TTLL5: variants seen among roughly 807,000 people sequenced by gnomAD.
The protein encoded by TTLL5 is tubulin tyrosine ligase like 5.
TTLL5 carries 132 observed loss-of-function variants against 168.4 expected under a neutral mutation model. The ratio of observed to expected loss-of-function variants is 0.78; its 90% CI spans 0.68 to 0.91. The LOEUF (loss-of-function observed/expected upper bound fraction) is 0.91. Among genes scored for constraint, TTLL5 ranks in the 40% least tolerant of loss-of-function variants. The probability of loss-of-function intolerance (pLI) is 0.00; values close to 1 mark genes in which losing one functional copy is unlikely to be tolerated. For synonymous variants in TTLL5, 546 were observed against 558.6 expected (o/e 0.98, Z 0.32); for missense variants, 1,545 against 1,581.5 (o/e 0.98, Z 0.39).
Position 75,954,526 on chromosome 14 carries a change from G to C in TTLL5, c.*80G>C. 6.5e-7 allele frequency: 1 copy of C among 1,540,256 alleles called. No homozygotes were observed. The highest frequency in any genetic ancestry group is 2.2e-5 in the East Asian group (1 of 44,468). On this transcript the variant is annotated 3_prime_UTR_variant, in exon 32 of 32. Coordinates refer to ENST00000298832, the MANE Select transcript of TTLL5 (RefSeq NM_015072.5). ...GGTGAAGCATCCACCAGCACTTCAA[G>C]GGGTCCATAGTATTTTTTTTTTTGC... is the stretch of plus-strand genomic sequence containing the variant.
rs887894574 is a variant in TTLL5 at position 75,836,680 on chromosome 14, C to T, written c.3326+16519C>T. Among the ~76,000 whole-genome samples the T allele has an allele frequency of 2.0e-5, 3 of 152,076 alleles. No homozygotes were observed. In the South Asian group the frequency reaches 6.3e-4, roughly 32 times the overall value. ...CTCATATAACCCATAAGTATATACA[C>T]CTGCTATGTATGCAAAAAAATGAAA... On this transcript the variant is annotated intron_variant, in intron 28 of 31. Transcript: ENST00000298832.
At chr14:75,805,303 A>G (rs1434499559) in intron 27 of TTLL5, among the ~76,000 whole-genome samples, 1 of 152,176 alleles carries the variant, frequency 6.6e-6, no homozygotes, top group Non-Finnish European at 1.5e-5. Flanking sequence ...TGAAAACTAG[A>G]TTCCATTTTC....
rs2029926671 is a variant in TTLL5 at position 75,860,935 on chromosome 14, T to C, written c.3327-2732T>C. ...CAGCACCCTGCTTTGTGAATAATGT[T>C]AACATTTCACTAATGTATTGAAGTA... is the stretch of plus-strand genomic sequence containing the variant. On this transcript the variant is annotated intron_variant, in intron 28 of 31. Coordinates refer to ENST00000298832, the MANE Select transcript of TTLL5 (RefSeq NM_015072.5). Among the ~76,000 whole-genome samples the C allele has an allele frequency of 2.6e-5, 4 of 152,368 alleles. No homozygotes were observed. The South Asian group carries it at 8.3e-4, about 32-fold the overall frequency.
chr14:75,741,334 C>T (rs1889252440), intron 15 of TTLL5, among the ~76,000 whole-genome samples: 1 of 152,126 alleles, frequency 6.6e-6, no homozygotes. Flanking sequence ...CAATGGTTCT[C>T]CTCTCTAAGT....
intron 15 of TTLL5, among the ~76,000 whole-genome samples, chr14:75,736,689 A>T (rs982499953): frequency 2.0e-5 from 3 of 152,178 alleles, no homozygotes; most frequent in African/African-American, 7.2e-5. Context: ...TTTGCAGGCC[A>T]AGCATAACAT....
Position 75,720,621 on chromosome 14 carries a change from G to A in TTLL5, c.960G>A (p.Leu320=), listed in dbSNP as rs775691366. Residue 320 remains leucine, a synonymous_variant, in exon 12 of 32, where the codon CTG becomes CTA. Coordinates refer to ENST00000298832, the MANE Select transcript of TTLL5 (RefSeq NM_015072.5). ...TTALMAHVED[L]IIKTIISAEL... is the part of the protein sequence containing the mutation. ...CATTGATGGCCCATGTAGAAGACCT[G>A]ATCATTAAGACTATAATCTCTGCTG... The A allele has an allele frequency of 4.3e-6, 7 of 1,613,496 alleles. 1 individual carries two copies. The South Asian group carries it at 4.4e-5, about 10-fold the overall frequency.
intron 29 of TTLL5, among the ~76,000 whole-genome samples, chr14:75,865,476 C>T (rs944865679): frequency 2.0e-5 from 3 of 151,948 alleles, no homozygotes; most frequent in Non-Finnish European, 2.9e-5. Flanking sequence ...CCCCGCAACA[C>T]GCCATTTACC....
intron 3 of TTLL5, among the ~76,000 whole-genome samples, chr14:75,672,436 G>A (rs1397635428): frequency 6.6e-6 from 1 of 151,576 alleles, no homozygotes; most frequent in African/African-American, 2.4e-5. Context: ...AGTAAAGATG[G>A]GGTTTCACCA....
intron 29 of TTLL5, among the ~76,000 whole-genome samples, chr14:75,866,095 T>C (rs2030494397): frequency 6.6e-6 from 1 of 152,194 alleles, no homozygotes; most frequent in Admixed American, 6.5e-5. Flanking sequence ...ACTAATAAGA[T>C]AACAAATAAG....
At chr14:75,782,729 T>C (rs1027175284) in intron 25 of TTLL5, among the ~76,000 whole-genome samples, 156 bp downstream of exon 25, 11 of 152,246 alleles carry the variant, frequency 7.2e-5, no homozygotes, top group African/African-American at 2.7e-4. Context: ...CTCTTATCTA[T>C]TGATAAGCTA....
At chr14:75,809,112 T>A (rs1031337945) in intron 27 of TTLL5, among the ~76,000 whole-genome samples, 1 of 152,154 alleles carries the variant, frequency 6.6e-6, no homozygotes, top group African/African-American at 2.4e-5. Flanking sequence ...ATTCTTAACC[T>A]TTTTGGATTC....
chr14:75,826,635 A>T (rs1157781012), intron 28 of TTLL5, among the ~76,000 whole-genome samples: 3 of 152,192 alleles, frequency 2.0e-5, no homozygotes, highest in Admixed American at 2.0e-4. Flanking sequence ...AAAGTTCCTT[A>T]CACTAAGCTA....
At chr14:75,826,986 A>C (rs1384245667) in intron 28 of TTLL5, among the ~76,000 whole-genome samples, 2 of 152,188 alleles carry the variant, frequency 1.3e-5, no homozygotes, top group Non-Finnish European at 2.9e-5. Flanking sequence ...TACAGCTAAG[A>C]AATCAATGCT....
At position 75,677,614 on chromosome 14, in the gene TTLL5, TTC is replaced by T. The variant is rs1381796184; in HGVS notation, c.182-3919_182-3918del. On this transcript the variant is annotated intron_variant, in intron 3 of 31. Transcript: ENST00000298832. The stretch of plus-strand genomic sequence containing the variant: ...GTTTCACCATGTTTCCCAGGCTGGT[TTC>T]TCTCTCTCTCTTTTTTTAAGAGACA... 3.3e-5 allele frequency among the ~76,000 whole-genome samples: 5 copies of T among 150,408 alleles called. No homozygotes were observed. The South Asian group carries it at 8.5e-4, about 26-fold the overall frequency.
chr14:75,875,887 G>A (rs2031446891), intron 29 of TTLL5, among the ~76,000 whole-genome samples: 1 of 152,210 alleles, frequency 6.6e-6, no homozygotes. Context: ...ATCTCTGAGA[G>A]CAGAATTATA....
intron 30 of TTLL5, among the ~76,000 whole-genome samples, chr14:75,885,771 A>T (rs1489836522): frequency 6.6e-6 from 1 of 152,170 alleles, no homozygotes; most frequent in Non-Finnish European, 1.5e-5. Context: ...TCTGTGACTC[A>T]GTTTCCTATT....
intron 15 of TTLL5, among the ~76,000 whole-genome samples, chr14:75,743,491 G>T (rs561426901): frequency 6.7e-6 from 1 of 149,436 alleles, no homozygotes; most frequent in African/African-American, 2.4e-5. Flanking sequence ...CCATTTTGTT[G>T]TATGCTCACA....
At chr14:75,680,787 G>A (rs1468029685) in intron 3 of TTLL5, among the ~76,000 whole-genome samples, 1 of 151,942 alleles carries the variant, frequency 6.6e-6, no homozygotes, top group Admixed American at 6.6e-5. Context: ...ACCACACCCA[G>A]CTAATTTTTT....
At chr14:75,805,191 A>C (rs918813422) in intron 27 of TTLL5, among the ~76,000 whole-genome samples, 2 of 152,186 alleles carry the variant, frequency 1.3e-5, no homozygotes, top group African/African-American at 4.8e-5. Context: ...TTCCTTTAGC[A>C]TGTGGCACTA....
Sources: allele counts gnomAD v4.1 joint callset (sites outside exome capture counted in the v4.1 genomes callset), GRCh38; gene constraint gnomAD v4.1.1; transcripts MANE v1.5; gene names NCBI Gene and HGNC (gene_info 2026-07-23, HGNC 2026-07-21).